LAMA1: variants seen among roughly 807,000 people sequenced by gnomAD.
LAMA1 encodes laminin subunit alpha-1.
A neutral mutation model predicts 348.7 loss-of-function variants in LAMA1; 219 were observed. The ratio of observed to expected loss-of-function variants is 0.63; its 90% confidence interval spans 0.56 to 0.70. LAMA1 has a LOEUF of 0.70. Ranked by LOEUF, LAMA1 falls within the 30% of genes least tolerant of loss-of-function variation. LAMA1 has a pLI of 0.00. For missense variants in LAMA1, 3,744 were observed against 3,888.0 expected, an observed-to-expected ratio of 0.96 and a Z score of 0.99; for synonymous variants, 1,487 against 1,491.0, an observed-to-expected ratio of 1.00 and a Z score of 0.06.
At chr18:7,070,012 A>G (rs1341384278) in intron 3 of LAMA1, among the ~76,000 whole-genome samples, 1 of 152,262 alleles carries the variant, frequency 6.6e-6, no homozygotes, top group Admixed American at 6.5e-5. Context: ...GAAGCTATGC[A>G]TGAGAAAATA....
intron 9 of LAMA1, 106 bp from the exon 10 acceptor site, chr18:7,040,342 T>G: frequency 8.4e-7 from 1 of 1,189,670 alleles, no homozygotes; most frequent in South Asian, 1.2e-5. Context: ...TATTTTAGGC[T>G]TTTTGGCCTC....
At chr18:7,044,430 T>C (rs556335795) in intron 7 of LAMA1, among the ~76,000 whole-genome samples, 6 of 152,030 alleles carry the variant, frequency 3.9e-5, no homozygotes, top group African/African-American at 1.4e-4. Flanking sequence ...TCCAAATCAA[T>C]ACAGAATATA....
intron 1 of LAMA1, among the ~76,000 whole-genome samples, chr18:7,099,157 T>G (rs1264916410): frequency 2.0e-5 from 3 of 151,682 alleles, no homozygotes; most frequent in Admixed American, 6.6e-5. Context: ...CCTGTTGATC[T>G]GTGACCTTAC....
At chr18:6,952,862 C>A (rs495960) in intron 57 of LAMA1, among the ~76,000 whole-genome samples, 3 of 126,614 alleles carry the variant, frequency 2.4e-5, no homozygotes, top group South Asian at 5.4e-4. Flanking sequence ...CTGTGTCCAG[C>A]GGATCCACGC....
chr18:7,099,177 T>C (rs1419529870), intron 1 of LAMA1, among the ~76,000 whole-genome samples: 5 of 151,512 alleles, frequency 3.3e-5, no homozygotes, highest in Non-Finnish European at 5.9e-5. Flanking sequence ...CCCCCAACCC[T>C]GTGCTCTCTG....
At chr18:7,017,672 T>G (rs2057895411) in intron 19 of LAMA1, among the ~76,000 whole-genome samples, 1 of 152,196 alleles carries the variant, frequency 6.6e-6, no homozygotes, top group South Asian at 2.1e-4. Context: ...ATATTTTAAA[T>G]GAGCTACAAA....
At chr18:6,994,886 C>T (rs1246012369) in intron 34 of LAMA1, among the ~76,000 whole-genome samples, 1 of 152,022 alleles carries the variant, frequency 6.6e-6, no homozygotes, top group African/African-American at 2.4e-5. Context: ...TCAGAACCAC[C>T]CCAGCCTGAA....
In LAMA1 at chr18:6,961,539, G is replaced by C. The variant is rs371949177; in HGVS notation, c.7626+47C>G. 5 of 1,607,230 alleles carry C rather than the reference G, an allele frequency of 3.1e-6. No individual in the cohort carries two copies. In the Admixed American group the frequency reaches 8.4e-5, roughly 27 times the overall value. ...AGTCATTTTCCACTCATTGTTTCCC[G>C]AAGTAATTTCCTGAGCTTGGGGCTC... On this transcript the variant is annotated intron_variant, in intron 53 of 62. Coordinates refer to ENST00000389658, the MANE Select transcript of LAMA1 (RefSeq NM_005559.4).
rs941759962 is a variant in LAMA1 at position 6,982,951 on chromosome 18, AC to A, written c.5796+147del. On this transcript the variant is annotated intron_variant, in intron 40 of 62. Transcript: ENST00000389658. ...ATTTATGACCTTAAAAAATTAAAAC[AC>A]AGATCATATGATGACAGAAGCCAGA... is the stretch of plus-strand genomic sequence containing the variant. 14 of 1,042,480 alleles carry A rather than the reference AC, an allele frequency of 1.3e-5. No individual in the cohort carries two copies. The African/African-American group carries it at 2.2e-4, about 17-fold the overall frequency. 64.6% of individuals were successfully genotyped at this position (1,042,480 alleles called of 1,614,324 possible).
intron 3 of LAMA1, among the ~76,000 whole-genome samples, chr18:7,054,814 A>C (rs920571304): frequency 6.6e-6 from 1 of 152,196 alleles, no homozygotes; most frequent in African/African-American, 2.4e-5. Flanking sequence ...ATCCACGTCC[A>C]CTTAATGAAT....
intron 48 of LAMA1, 34 bp from the exon 49 acceptor site, chr18:6,966,331 C>T (rs2057633308): frequency 1.2e-6 from 2 of 1,602,038 alleles, no homozygotes; most frequent in Middle Eastern, 1.7e-4. Context: ...AGAATCCATT[C>T]TCAGGAGGGT....
At chr18:6,965,139 G>T in intron 50 of LAMA1, 149 bp downstream of exon 50, 1 of 1,003,576 alleles carries the variant, frequency 1.0e-6, no homozygotes, top group Non-Finnish European at 1.5e-6. Context: ...GAATCCTGTT[G>T]GTTAGTATTC....
chr18:7,008,559 G>A lies in LAMA1; in HGVS notation c.4051C>T (p.Pro1351Ser), dbSNP rs760817764. The part of the protein sequence containing the change: ...EVGRKAEKLH[P>S]EEEVASLLEN... ...AAAAGAGATGCAACCTCTTCTTCTGGGTGCAGCTTTTCAGCCTTTCTGCCA... is the reference window on the plus strand; with the variant it reads ...AAAAGAGATGCAACCTCTTCTTCTGAGTGCAGCTTTTCAGCCTTTCTGCCA... Residue 1351 changes from proline to serine, a missense_variant, in exon 28 of 63, where the codon CCA (proline) becomes TCA (serine). Pro to Ser is a moderately conservative substitution (Grantham distance 74, BLOSUM62 -1). Coordinates refer to ENST00000389658, the MANE Select transcript of LAMA1 (RefSeq NM_005559.4). 9.3e-6 allele frequency: 15 copies of A among 1,614,016 alleles called. No individual in the cohort carries two copies. The highest frequency in any genetic ancestry group is 1.3e-5 in the Non-Finnish European group (15 of 1,179,976).
intron 16 of LAMA1, among the ~76,000 whole-genome samples, chr18:7,026,775 A>C (rs966752875): frequency 6.6e-6 from 1 of 151,826 alleles, no homozygotes; most frequent in African/African-American, 2.4e-5. Context: ...AGGCAGGTGG[A>C]TTGCGAGGTC....
intron 35 of LAMA1, among the ~76,000 whole-genome samples, chr18:6,993,049 T>C (rs777124571): frequency 5.9e-5 from 9 of 152,250 alleles, no homozygotes; most frequent in Non-Finnish European, 1.2e-4. Flanking sequence ...AATAAATATT[T>C]ACTGCATAAA....
intron 10 of LAMA1, 30 bp from the exon 11 acceptor site, chr18:7,038,980 G>C: frequency 1.3e-6 from 2 of 1,577,740 alleles, no homozygotes; most frequent in Non-Finnish European, 1.7e-6. Flanking sequence ...ATTAGCTTTT[G>C]AAACCAATGT....
At chr18:7,051,183 A>T (rs2058061209) in intron 3 of LAMA1, among the ~76,000 whole-genome samples, 3 of 152,212 alleles carry the variant, frequency 2.0e-5, no homozygotes, top group Admixed American at 6.5e-5. Flanking sequence ...ACAATAGTGT[A>T]CTGTATACTA....
intron 1 of LAMA1, among the ~76,000 whole-genome samples, chr18:7,105,295 C>A (rs2143826651): frequency 6.6e-6 from 1 of 152,006 alleles, no homozygotes. Context: ...CAAAAATTAG[C>A]CAGGCATGAT....
At position 7,008,548 on chromosome 18, in the gene LAMA1, C is replaced by T. The variant is rs1029870780; in HGVS notation, c.4062G>A (p.Glu1354=). The T allele has an allele frequency of 6.2e-7, 1 of 1,614,070 alleles. No individual in the cohort carries two copies. Among genetic ancestry groups the T allele is most frequent in the East Asian group, 2.2e-5 (1 of 44,858 alleles). The change falls in exon 28 of 63, where the codon GAG becomes GAA. Residue 1354 remains glutamate, a synonymous_variant. Transcript: ENST00000389658. ...RKAEKLHPEE[E]VASLLENCVC... ...CACAATTCTCTAAAAGAGATGCAAC[C>T]TCTTCTTCTGGGTGCAGCTTTTCAG...
Sources: allele counts gnomAD v4.1 joint callset (sites outside exome capture counted in the v4.1 genomes callset), GRCh38; gene constraint gnomAD v4.1.1; transcripts MANE v1.5; gene names NCBI Gene and HGNC (gene_info 2026-07-23, HGNC 2026-07-21).